Variants in LGR6 observed in about 807,000 individuals in gnomAD.
The protein encoded by LGR6 is leucine-rich repeat-containing G protein-coupled receptor 6.
A neutral mutation model predicts 69.4 loss-of-function variants in LGR6; 45 were observed. The observed-to-expected ratio is 0.65, with a 90% CI of 0.51 to 0.83. LGR6 has a LOEUF of 0.83. Among genes scored for constraint, LGR6 ranks in the 40% least tolerant of loss-of-function variants. The pLI, the probability that LGR6 is intolerant of heterozygous loss-of-function variation, is 0.00. For missense variants in LGR6, 1,108 were observed against 1,246.7 expected, an observed-to-expected ratio of 0.89 and a Z score of 1.68; for synonymous variants, 538 against 555.0, an observed-to-expected ratio of 0.97 and a Z score of 0.43.
At chr1:202,239,345 GT>G (rs1465073591) in intron 4 of LGR6, among the ~76,000 whole-genome samples, 21 of 11,104 alleles carry the variant, frequency 1.9e-3, no homozygotes, top group Non-Finnish European at 3.4e-3. Context: ...TGTGTGTGTG[GT>G]GTGTGTGTGT....
intron 3 of LGR6, among the ~76,000 whole-genome samples, chr1:202,232,828 A>T (rs898184155): frequency 6.6e-6 from 1 of 152,302 alleles, no homozygotes; most frequent in Admixed American, 6.5e-5. Flanking sequence ...CCTAGTCCTG[A>T]TTCTGCCATT....
intron 6 of LGR6, among the ~76,000 whole-genome samples, chr1:202,284,087 A>G (rs1666221982): frequency 6.6e-6 from 1 of 152,102 alleles, no homozygotes; most frequent in African/African-American, 2.4e-5. Context: ...GGGCACTGTT[A>G]AGACCTCTCT....
rs1467603140 is a variant in LGR6 at position 202,193,859 on chromosome 1, C to G, written c.-131C>G. 2 of 408,254 alleles carry G rather than the reference C, an allele frequency of 4.9e-6. No individual in the cohort carries two copies. 25.3% of individuals were successfully genotyped at this position (408,254 alleles called of 1,614,324 possible). A position where few individuals can be genotyped will look rare whatever the true frequency, so the allele number is the denominator to read the frequency against. ...CCCGGCGCTCCCACCGCCGCCGCCG[C>G]CGCCCAATAGAGCCCCTGGGGCGGT... On this transcript the variant is annotated 5_prime_UTR_variant, in exon 1 of 18. Transcript: ENST00000367278.
chr1:202,303,397 C>A, intron 10 of LGR6, 50 bp downstream of exon 10: 2 of 1,448,334 alleles, frequency 1.4e-6, no homozygotes, highest in Non-Finnish European at 1.9e-6. Flanking sequence ...GCTTCATTCC[C>A]AAGAGCTCTT....
At position 202,199,475 on chromosome 1, in the gene LGR6, G is replaced by A. The variant is rs373914713; in HGVS notation, c.212+5274G>A. On this transcript the variant is annotated intron_variant, in intron 1 of 17. Coordinates refer to ENST00000367278, the MANE Select transcript of LGR6 (RefSeq NM_001017403.2). ...AGGCAAAAGAAAAAGGAAACCTCTC[G>A]GCTCTGGCAGCAGCGGGCATGGGGC... Among the ~76,000 whole-genome samples the A allele has an allele frequency of 1.6e-4, 24 of 152,332 alleles. No homozygotes were observed. In the East Asian group the frequency reaches 2.5e-3, roughly 16 times the overall value.
chr1:202,304,742 G>A, intron 11 of LGR6, 112 bp downstream of exon 11: 1 of 806,638 alleles, frequency 1.2e-6, no homozygotes. Flanking sequence ...CTGGAGAATG[G>A]AGCAGCATAG....
At position 202,268,563 on chromosome 1, in the gene LGR6, C is replaced by T. The variant is rs891080269; in HGVS notation, c.429-7743C>T. Among the ~76,000 whole-genome samples, 8 of 152,064 alleles carry T rather than the reference C, an allele frequency of 5.3e-5. No individual in the cohort carries two copies. Among genetic ancestry groups the T allele is most frequent in the Admixed American group, 2.6e-4 (4 of 15,288 alleles). On this transcript the variant is annotated intron_variant, in intron 4 of 17. Transcript: ENST00000367278. The surrounding 1 kb of genome is among the most constrained non-coding windows in gnomAD (Gnocchi z 4.4). ...CCCACCCACATCTTTTCTCTATTCT[C>T]TCCCTTCCTGTGTTCAACTGAAAGT...
Position 202,318,285 on chromosome 1 carries a change from C to T in LGR6, c.1982C>T (p.Thr661Ile). The T allele has an allele frequency of 6.2e-7, 1 of 1,602,548 alleles. No individual in the cohort carries two copies. The highest frequency in any genetic ancestry group is 8.5e-7 in the Non-Finnish European group (1 of 1,173,488). Residue 661 changes from threonine (T) to isoleucine (I), a missense_variant, in exon 18 of 18, where the codon ACT (threonine) becomes ATT (isoleucine). Physicochemically the swap from Thr to Ile is moderately conservative, Grantham distance 89 (BLOSUM62 -1). Coordinates refer to ENST00000367278, the MANE Select transcript of LGR6 (RefSeq NM_001017403.2). ...TCGGAGGCATCGGTGCTGCTGCTCA[C>T]TCTGGCCGCAGTGCAGTGCAGCGTC... is the stretch of plus-strand genomic sequence containing the variant. ...LGSEASVLLL[T>I]LAAVQCSVSV...
rs751655811 is a variant in LGR6, at chr1:202,297,582, C to T, written c.785+6C>T. On this transcript the variant is annotated splice_donor_region_variant and intron_variant, in intron 7 of 17. Transcript: ENST00000367278. ...CTGGGCAGACTGCAGGAACTGTAAG[C>T]GCCTCTTTTGGTTTCTGTGGGTGTC... 8.7e-6 allele frequency: 14 copies of T among 1,612,812 alleles called. No individual in the cohort carries two copies. The highest frequency in any genetic ancestry group is 5.5e-5 in the South Asian group (5 of 90,970).
chr1:202,291,377 A>G (rs1271299496), intron 6 of LGR6, among the ~76,000 whole-genome samples: 1 of 152,216 alleles, frequency 6.6e-6, no homozygotes, highest in Non-Finnish European at 1.5e-5. Context: ...GCCATCCTGC[A>G]ATGAAAGATA....
rs374899792 is a variant in LGR6 at position 202,214,159 on chromosome 1, G to A, written c.213-11264G>A. The A allele has an allele frequency of 9.9e-6, 15 of 1,516,842 alleles. No individual in the cohort carries two copies. The Admixed American group carries it at 1.9e-4, about 20-fold the overall frequency. 94.0% of individuals were successfully genotyped at this position (1,516,842 alleles called of 1,614,324 possible). A position where few individuals can be genotyped will look rare whatever the true frequency, so the allele number is the denominator to read the frequency against. On this transcript the variant is annotated intron_variant, in intron 1 of 17. Coordinates refer to ENST00000367278, the MANE Select transcript of LGR6 (RefSeq NM_001017403.2). Reference sequence around the variant, plus strand: ...CTCGAGGTCCCAGGGGCCGGAATGCGCTTGGAGGGAGAGGGCCGCTCAGCG... The same window carrying A: ...CTCGAGGTCCCAGGGGCCGGAATGCACTTGGAGGGAGAGGGCCGCTCAGCG...
At chr1:202,283,955 T>G (rs1323624999) in intron 6 of LGR6, among the ~76,000 whole-genome samples, 1 of 152,208 alleles carries the variant, frequency 6.6e-6, no homozygotes, top group Admixed American at 6.5e-5. Context: ...GAGCCTCACT[T>G]CCTTCATCTG....
chr1:202,196,524 A>G (rs1308747074), intron 1 of LGR6, among the ~76,000 whole-genome samples: 1 of 152,178 alleles, frequency 6.6e-6, no homozygotes, highest in East Asian at 1.9e-4. Flanking sequence ...TGAGCCACTC[A>G]AACTTTGGTT....
At chr1:202,280,125 C>T (rs769674858) in intron 5 of LGR6, among the ~76,000 whole-genome samples, 4 of 151,814 alleles carry the variant, frequency 2.6e-5, no homozygotes, top group Admixed American at 6.6e-5. Context: ...TGTTTTTTTC[C>T]GGCTTATGCT....
In LGR6 at chr1:202,300,890, C is replaced by G. The variant is rs2148260251; in HGVS notation, c.827C>G (p.Ala276Gly). 1 of 1,612,522 alleles carries G rather than the reference C, an allele frequency of 6.2e-7. No individual in the cohort carries two copies. The highest frequency in any genetic ancestry group is 2.2e-5 in the East Asian group (1 of 44,868). Reference sequence around the variant, plus strand: ...AACATCAAGGCCATCCCAGAAAAGGCCTTCATGGGGAACCCTCTGCTACAG... The same window carrying G: ...AACATCAAGGCCATCCCAGAAAAGGGCTTCATGGGGAACCCTCTGCTACAG... ...NNNIKAIPEK[A>G]FMGNPLLQTI... Residue 276 changes from alanine to glycine, a missense_variant, in exon 8 of 18, where the codon GCC (alanine) becomes GGC (glycine). Physicochemically the swap from Ala to Gly is moderately conservative, Grantham distance 60. Transcript: ENST00000367278.
chr1:202,218,086 A>C (rs1293346784), intron 1 of LGR6, among the ~76,000 whole-genome samples: 2 of 152,210 alleles, frequency 1.3e-5, no homozygotes, highest in African/African-American at 4.8e-5. Context: ...GCTGTGCTAG[A>C]AACTAAGATC....
chr1:202,290,564 C>T (rs1316259665), intron 6 of LGR6, among the ~76,000 whole-genome samples: 2 of 152,170 alleles, frequency 1.3e-5, no homozygotes, highest in Non-Finnish European at 2.9e-5. Flanking sequence ...TCTCCAAGCT[C>T]ATTTCCTCAT....
At chr1:202,300,068 A>G (rs1398419032) in intron 7 of LGR6, among the ~76,000 whole-genome samples, 1 of 152,094 alleles carries the variant, frequency 6.6e-6, no homozygotes, top group Admixed American at 6.5e-5. Flanking sequence ...TCTTTATTTT[A>G]GGGCCTTGAG....
chr1:202,217,639 G>A (rs1200444007), intron 1 of LGR6, among the ~76,000 whole-genome samples: 1 of 151,996 alleles, frequency 6.6e-6, no homozygotes, highest in Non-Finnish European at 1.5e-5. Context: ...CTTAGCAACT[G>A]CCAGGGACTC....
Sources: gnomAD v4.1 joint callset for allele counts (sites outside exome capture counted in the v4.1 genomes callset) on GRCh38, gnomAD v4.1.1 for gene constraint, Gnocchi (gnomAD v3.1) non-coding constraint, MANE v1.5 for transcripts, NCBI Gene and HGNC (gene_info 2026-07-23, HGNC 2026-07-21) for gene names.